CFAP92: variants seen among roughly 807,000 people sequenced by gnomAD.
CFAP92 encodes cilia and flagella associated protein 92 (putative).
In CFAP92, 86 loss-of-function variants were observed where a neutral mutation model predicts 106.3. That is an observed-to-expected ratio of 0.81 (90% CI 0.68 to 0.97). CFAP92 has a LOEUF of 0.97. CFAP92 is among the 50% of genes least tolerant of loss of function. The probability of loss-of-function intolerance (pLI) is 0.00; values close to 1 mark genes in which losing one functional copy is unlikely to be tolerated. For missense variants in CFAP92, 1,204 were observed against 1,283.8 expected (o/e 0.94, Z 0.95); for synonymous variants, 477 against 506.4 (o/e 0.94, Z 0.78).
the CFAP92 span, among the ~76,000 whole-genome samples, chr3:129,011,550 C>CAAAAAAAAAA: frequency 1.1e-5 from 1 of 93,484 alleles, no homozygotes; most frequent in African/African-American, 3.8e-5. Flanking sequence ...GACTCCGTCT[C>CAAAAAAAAAA]AAAAAAAAAA....
chr3:128,912,344 C>T (rs192351611), intron 15 of CFAP92, among the ~76,000 whole-genome samples: 47 of 152,308 alleles, frequency 3.1e-4, no homozygotes, highest in Admixed American at 2.1e-3. Context: ...CTTTCTCTCC[C>T]TGCAGCCCTG....
chr3:129,003,660 G>A (rs1279559431), upstream of CFAP92: 6 of 919,018 alleles, frequency 6.5e-6, no homozygotes, highest in Non-Finnish European at 8.4e-6. Flanking sequence ...CCTGGCACCC[G>A]GAAGCAGACG....
At chr3:129,015,756 C>T in the CFAP92 span, among the ~76,000 whole-genome samples, 9 of 151,812 alleles carry the variant, frequency 5.9e-5, no homozygotes, top group East Asian at 2.0e-4. Flanking sequence ...ATTTATTTTC[C>T]GCCCTTCCTC....
At chr3:129,003,346 G>A (rs1026392037), upstream of CFAP92, 40 of 940,384 alleles carry the variant, frequency 4.3e-5, no homozygotes, top group Non-Finnish European at 1.1e-5. Flanking sequence ...GAACACACCA[G>A]TAAAGACAGA....
intron 9 of CFAP92, among the ~76,000 whole-genome samples, chr3:128,962,738 G>A (rs575845391): frequency 3.6e-4 from 55 of 152,150 alleles, no homozygotes; most frequent in East Asian, 3.1e-3. Context: ...GTGATCACTC[G>A]CCTGCTACAG....
chr3:128,974,322 C>T (rs1943005197), intron 7 of CFAP92, among the ~76,000 whole-genome samples: 1 of 152,188 alleles, frequency 6.6e-6, no homozygotes, highest in Non-Finnish European at 1.5e-5. Flanking sequence ...CAGCAGTATA[C>T]CCACTGGCTC....
chr3:129,026,627 A>G, the CFAP92 span, among the ~76,000 whole-genome samples: 1 of 152,074 alleles, frequency 6.6e-6, no homozygotes, highest in Non-Finnish European at 1.5e-5. Flanking sequence ...ACACCTCCCT[A>G]TGGGGCCATA....
At chr3:129,021,807 T>A in the CFAP92 span, among the ~76,000 whole-genome samples, 1 of 152,374 alleles carries the variant, frequency 6.6e-6, no homozygotes, top group East Asian at 1.9e-4. Flanking sequence ...TTTGTGAGTA[T>A]TTACATATTG....
chr3:128,915,615 A>G, intron 13 of CFAP92, 52 bp from the exon 14 acceptor site: 1 of 1,216,534 alleles, frequency 8.2e-7, no homozygotes, highest in African/African-American at 1.5e-5. Flanking sequence ...GCAATCTTGG[A>G]TTTATTTCCA....
chr3:128,922,362 T>G (rs1937365813), intron 12 of CFAP92, among the ~76,000 whole-genome samples: 1 of 151,760 alleles, frequency 6.6e-6, no homozygotes, highest in Non-Finnish European at 1.5e-5. Flanking sequence ...AAAAATTCAA[T>G]TAGTTATTAG....
intron 12 of CFAP92, among the ~76,000 whole-genome samples, chr3:128,924,088 T>G (rs1439825144): frequency 6.6e-6 from 1 of 152,158 alleles, no homozygotes; most frequent in African/African-American, 2.4e-5. Flanking sequence ...CTATGATAGC[T>G]GTGGCGGTTT....
chr3:129,003,160 G>C (rs917530842), upstream of CFAP92: 1 of 916,304 alleles, frequency 1.1e-6, no homozygotes, highest in African/African-American at 1.8e-5. Context: ...GCAAGGTGTG[G>C]TTTTCAGTGT....
At chr3:128,992,920 G>T in intron 2 of CFAP92, 123 bp downstream of exon 2, 1 of 1,197,798 alleles carries the variant, frequency 8.3e-7, no homozygotes, top group Non-Finnish European at 1.2e-6. Context: ...GCTGGCACTG[G>T]CCAGCCCGCT....
At chr3:128,998,453 A>C (rs1397187590), upstream of CFAP92, among the ~76,000 whole-genome samples, 1 of 152,230 alleles carries the variant, frequency 6.6e-6, no homozygotes, top group East Asian at 1.9e-4. Context: ...CTAAAAACCC[A>C]AAAGCTTTAT....
At chr3:128,971,127 C>T (rs1486586286) in intron 8 of CFAP92, 160 bp downstream of exon 8, 15 of 1,112,442 alleles carry the variant, frequency 1.3e-5, no homozygotes, top group Non-Finnish European at 1.9e-5. Flanking sequence ...GCCTTTGTTT[C>T]CCCCTGTACT....
rs531661492 is a variant in CFAP92 at position 128,945,686 on chromosome 3, G to T, written c.1643C>A (p.Thr548Lys). The T allele has an allele frequency of 2.0e-6, 3 of 1,536,098 alleles. No homozygotes were observed. The change falls in exon 10 of 16, where the codon ACA becomes AAA. Residue 548 changes from threonine to lysine, a missense_variant. Thr to Lys is a moderately conservative substitution (Grantham distance 78). Coordinates refer to ENST00000645291, the MANE Select transcript of CFAP92 (RefSeq NM_001394090.1). ...CTGGGACTCAAAGGGGTTGTTCTCT[G>T]TCTCTCTGGGAGAGATGAGGGCCTG... ...NFQALISPRE[T>K]ENNPFESQNK... is the part of the protein sequence containing the mutation.
chr3:128,938,521 T>C (rs1330929867), intron 10 of CFAP92, among the ~76,000 whole-genome samples: 1 of 145,580 alleles, frequency 6.9e-6, no homozygotes, highest in Non-Finnish European at 1.5e-5. Context: ...AGAGATGGAG[T>C]CTCGCTCTGT....
upstream of CFAP92, chr3:129,003,916 G>C: frequency 7.4e-7 from 1 of 1,357,844 alleles, no homozygotes. Flanking sequence ...GCGCTGGGCG[G>C]CTGCGCCGTG....
At position 128,945,870 on chromosome 3, in the gene CFAP92, C is replaced by T. The variant is rs1232667130; in HGVS notation, c.1459G>A (p.Val487Ile). The T allele has an allele frequency of 7.4e-6, 11 of 1,479,982 alleles. No homozygotes were observed. The highest frequency in any genetic ancestry group is 4.9e-5 in the Admixed American group (2 of 40,734). 91.7% of individuals were successfully genotyped at this position (1,479,982 alleles called of 1,614,324 possible). A position where few individuals can be genotyped will look rare whatever the true frequency, so the allele number is the denominator to read the frequency against. ...GGGTGCAGTGCCCCAAGGAAGATGA[C>T]GTTGATGTCCTGGAAATAAACGTGG... ...GTHVYFQDINVIFLGALHPSD... is the reference protein window; with the variant it reads ...GTHVYFQDINIIFLGALHPSD... The change falls in exon 10 of 16, where the codon GTC becomes ATC. Residue 487 changes from valine (V) to isoleucine (I), a missense_variant. Transcript: ENST00000645291.
Sources: allele counts gnomAD v4.1 joint callset (sites outside exome capture counted in the v4.1 genomes callset), GRCh38; gene constraint gnomAD v4.1.1; transcripts MANE v1.5; gene names NCBI Gene and HGNC (gene_info 2026-07-23, HGNC 2026-07-21).